Variants in FBXO41 observed in about 807,000 individuals in gnomAD.
FBXO41 encodes the protein F-box protein 41, also known as F-box only protein 41.
Under a neutral mutation model 81.6 loss-of-function variants are expected in FBXO41, and 33 were observed. That is an observed-to-expected ratio of 0.40 (90% CI 0.31 to 0.54). FBXO41 has a LOEUF of 0.54. Ranked by LOEUF, FBXO41 falls within the 20% of genes least tolerant of loss-of-function variation. FBXO41 has a pLI of 0.39. For synonymous variants in FBXO41, 576 were observed against 552.7 expected, an observed-to-expected ratio of 1.04 and a Z score of -0.59; for missense variants, 1,107 against 1,236.0, an observed-to-expected ratio of 0.90 and a Z score of 1.56.
chr2:73,263,377 G>T (rs1688089750), intron 8 of FBXO41, 69 bp from the exon 9 acceptor site: 2 of 1,230,682 alleles, frequency 1.6e-6, no homozygotes, highest in South Asian at 3.1e-5. Flanking sequence ...CACTTTGGGA[G>T]GTCAAGGCCG....
In FBXO41 at chr2:73,277,947, C is replaced by T. The variant is rs140035843; in HGVS notation, c.-139+6213G>A. Among the ~76,000 whole-genome samples the T allele has an allele frequency of 2.7e-3, 409 of 152,258 alleles. 5 individuals are homozygous for T. Among genetic ancestry groups the T allele is most frequent in the African/African-American group, 9.4e-3 (391 of 41,528 alleles). The stretch of plus-strand genomic sequence containing the variant: ...CCTCTGTACTTTATGTGGTTGTGGC[C>T]GGGTTGTCAATCCTAGTAGGTGGGC... On this transcript the variant is annotated intron_variant, in intron 1 of 12. Transcript: ENST00000520530.
In FBXO41 at chr2:73,269,921, C is replaced by T. The variant is rs1382212726; in HGVS notation, c.-138-153G>A. 1.3e-5 allele frequency among the ~76,000 whole-genome samples: 2 copies of T among 152,086 alleles called. No homozygotes were observed. Among genetic ancestry groups the T allele is most frequent in the Non-Finnish European group, 2.9e-5 (2 of 68,006 alleles). On this transcript the variant is annotated intron_variant, in intron 1 of 12. Coordinates refer to ENST00000520530, the MANE Select transcript of FBXO41 (RefSeq NM_001371389.2). This position sits in a 1 kb window ranked among gnomAD's most constrained non-coding sequence, Gnocchi z 7.0. ...AGGCTGGCCTGCTCTGGCACCTGTG[C>T]GAGGGCCTGTATGTGTGCAAGAGAC...
At chr2:73,262,719 C>A (rs1208165324) in intron 9 of FBXO41, among the ~76,000 whole-genome samples, 1 of 152,174 alleles carries the variant, frequency 6.6e-6, no homozygotes, top group Non-Finnish European at 1.5e-5. Context: ...GGACATGACC[C>A]CAGGTCTGAT....
intron 6 of FBXO41, 68 bp downstream of exon 6, chr2:73,264,210 G>A (rs1688136541): frequency 6.2e-7 from 1 of 1,605,740 alleles, no homozygotes; most frequent in Non-Finnish European, 8.5e-7. Context: ...GACCTCAAGG[G>A]GCCAGATTCT....
chr2:73,266,446 T>G lies in FBXO41; in HGVS notation c.1131+11A>C, dbSNP rs905106319. 9.4e-6 allele frequency: 14 copies of G among 1,483,902 alleles called. 1 individual carries two copies. The highest frequency in any genetic ancestry group is 1.3e-5 in the Non-Finnish European group (14 of 1,108,758). The allele number at this position is 1,483,902 out of a possible 1,614,324, so 91.9% of individuals were successfully genotyped here. On this transcript the variant is annotated intron_variant, in intron 3 of 12. Transcript: ENST00000520530. This position sits in a 1 kb window ranked among gnomAD's most constrained non-coding sequence, Gnocchi z 5.3. The stretch of plus-strand genomic sequence containing the variant: ...GTGCAGGTAGAGGAGGGAAGGCAGG[T>G]GGGCACTCACCATTCTGCCTGGGCC...
At chr2:73,276,451 C>T (rs976018719) in intron 1 of FBXO41, among the ~76,000 whole-genome samples, 6 of 151,718 alleles carry the variant, frequency 4.0e-5, no homozygotes, top group African/African-American at 1.5e-4. Flanking sequence ...GTTTCAACAT[C>T]ACCATCCTTT....
chr2:73,270,226 A>T (rs1466958666), intron 1 of FBXO41, among the ~76,000 whole-genome samples: 1 of 152,190 alleles, frequency 6.6e-6, no homozygotes, highest in East Asian at 1.9e-4. Context: ...GACACAATTG[A>T]TGATGAAGTC....
intron 5 of FBXO41, 103 bp from the exon 6 acceptor site, chr2:73,264,622 A>G: frequency 1.3e-6 from 2 of 1,514,470 alleles, no homozygotes; most frequent in Non-Finnish European, 1.8e-6. Context: ...AGGAATGGAC[A>G]TGCTGTGGTA....
intron 1 of FBXO41, among the ~76,000 whole-genome samples, chr2:73,274,503 G>A (rs569861407): frequency 3.3e-5 from 5 of 152,132 alleles, no homozygotes; most frequent in African/African-American, 9.6e-5. Flanking sequence ...TTATGCCGCC[G>A]TAAAATCGGA....
In FBXO41 at chr2:73,268,707, G is replaced by C. The variant is rs1000861149; in HGVS notation, c.905+19C>G. 4.7e-6 allele frequency: 7 copies of C among 1,504,204 alleles called. No individual in the cohort carries two copies. In the African/African-American group the frequency reaches 9.7e-5, roughly 21 times the overall value. The allele number at this position is 1,504,204 out of a possible 1,614,324, so 93.2% of individuals were successfully genotyped here. On this transcript the variant is annotated intron_variant, in intron 2 of 12. Transcript: ENST00000520530. ...CCGCACAGGCACAACCACTCACAGGGCCCCGAGGGTCTACTCACTGCTGCT... is the reference window on the plus strand; with the variant it reads ...CCGCACAGGCACAACCACTCACAGGCCCCCGAGGGTCTACTCACTGCTGCT...
rs145259596 is a variant in FBXO41 at position 73,266,846 on chromosome 2, C to T, written c.906-164G>A. ...AACAGGCCTAGCACACAGCCCCGCA[C>T]GATGACACATACAGAAATGCATGCA... On this transcript the variant is annotated intron_variant, in intron 2 of 12. Coordinates refer to ENST00000520530, the MANE Select transcript of FBXO41 (RefSeq NM_001371389.2). The surrounding 1 kb of genome is among the most constrained non-coding windows in gnomAD (Gnocchi z 5.3). 2.2e-4 allele frequency: 251 copies of T among 1,117,722 alleles called. 1 individual carries two copies. In the African/African-American group the frequency reaches 3.5e-3, roughly 15 times the overall value. The allele number at this position is 1,117,722 out of a possible 1,614,324, so 69.2% of individuals were successfully genotyped here.
intron 9 of FBXO41, 69 bp downstream of exon 9, chr2:73,263,144 T>C (rs1395586169): frequency 3.9e-6 from 5 of 1,267,238 alleles, no homozygotes; most frequent in Non-Finnish European, 5.6e-6. Flanking sequence ...TCAGATCTGC[T>C]AAGTCCTCAG....
Position 73,260,771 on chromosome 2 carries a change from G to A in FBXO41, c.2259C>T (p.Ala753=), listed in dbSNP as rs747428399. Residue 753 remains alanine (A), a synonymous_variant, in exon 10 of 13, where the codon GCC becomes GCT. Coordinates refer to ENST00000520530, the MANE Select transcript of FBXO41 (RefSeq NM_001371389.2). This position sits in a 1 kb window ranked among gnomAD's most constrained non-coding sequence, Gnocchi z 5.0. The part of the protein sequence containing the change: ...PHLRALGVGG[A]GCGVQGLASL... ...ATGCCAGGCCCTGCACCCCACAGCC[G>A]GCACCCCCGACCCCCAGGGCCCGCA... 5.1e-5 allele frequency: 79 copies of A among 1,558,592 alleles called. No homozygotes were observed. The highest frequency in any genetic ancestry group is 2.9e-4 in the East Asian group (12 of 42,008).
At position 73,266,578 on chromosome 2, in the gene FBXO41, T is replaced by C; in HGVS notation, c.1010A>G (p.Asp337Gly). The change falls in exon 3 of 13, where the codon GAC becomes GGC. Residue 337 changes from aspartate (D) to glycine (G), a missense_variant. Physicochemically the swap from Asp to Gly is moderately conservative, Grantham distance 94. This residue lies in a region of FBXO41 where 771 missense variants were observed against 789.2 expected (regional missense o/e 0.98). Transcript: ENST00000520530. This position sits in a 1 kb window ranked among gnomAD's most constrained non-coding sequence, Gnocchi z 5.3. ...GACCTGCAGCTGCCGCTCGGCACGGTCAGCCCGCTCAAGGAGCTCCTCAAT... is the reference window on the plus strand; with the variant it reads ...GACCTGCAGCTGCCGCTCGGCACGGCCAGCCCGCTCAAGGAGCTCCTCAAT... Reference protein sequence around the residue: ...QFIEELLERADRAERQLQVIS... With the variant: ...QFIEELLERAGRAERQLQVIS... 1 of 1,611,164 alleles carries C rather than the reference T, an allele frequency of 6.2e-7. No homozygotes were observed. The highest frequency in any genetic ancestry group is 8.5e-7 in the Non-Finnish European group (1 of 1,179,134).
Position 73,259,877 on chromosome 2 carries a change from T to G in FBXO41, c.2449+512A>C, listed in dbSNP as rs1332041214. ...AGAGGGTCAAGGCACCTTGGCGCAG[T>G]TGGCATGGGGTCCTCTCAGGAGCCA... On this transcript the variant is annotated intron_variant, in intron 11 of 12. Transcript: ENST00000520530. The surrounding 1 kb of genome is among the most constrained non-coding windows in gnomAD (Gnocchi z 4.2). Among the ~76,000 whole-genome samples, 1 of 152,062 alleles carries G rather than the reference T, an allele frequency of 6.6e-6. No individual in the cohort carries two copies. The highest frequency in any genetic ancestry group is 2.4e-5 in the African/African-American group (1 of 41,386).
chr2:73,282,396 A>G (rs1289566515), intron 1 of FBXO41, among the ~76,000 whole-genome samples: 3 of 152,182 alleles, frequency 2.0e-5, no homozygotes, highest in Non-Finnish European at 4.4e-5. Context: ...TTCAACAACC[A>G]TCACCCCCTT....
Position 73,259,364 on chromosome 2 carries a change from C to G in FBXO41, c.2450-68G>C, listed in dbSNP as rs895009717. ...TGTGGAGCTGCCTCCTCTCCTCTCA[C>G]TAATTAATGAAATCAGACAATCAGG... is the stretch of plus-strand genomic sequence containing the variant. On this transcript the variant is annotated intron_variant, in intron 11 of 12. Coordinates refer to ENST00000520530, the MANE Select transcript of FBXO41 (RefSeq NM_001371389.2). This position sits in a 1 kb window ranked among gnomAD's most constrained non-coding sequence, Gnocchi z 4.2. 5 of 1,280,122 alleles carry G rather than the reference C, an allele frequency of 3.9e-6. No individual in the cohort carries two copies. The African/African-American group carries it at 7.3e-5, about 19-fold the overall frequency. The allele number at this position is 1,280,122 out of a possible 1,614,324, so 79.3% of individuals were successfully genotyped here.
Position 73,265,476 on chromosome 2 carries a change from G to C in FBXO41, c.1370C>G (p.Pro457Arg). ...ANGGSERSQP[P>R]RSSGLRRQAI... ...CTGGCGCCGCAGGCCTGAGCTGCGA[G>C]GGGGCTGGGACCGCTCTGAGCCCCC... The change falls in exon 5 of 13, where the codon CCT (proline) becomes CGT (arginine). Residue 457 changes from proline (P) to arginine (R), a missense_variant. Pro to Arg is a moderately radical substitution (Grantham distance 103). Around this residue, in one of 2 missense-constraint regions of FBXO41, gnomAD observed 771 missense variants for 789.2 expected, o/e 0.98. Transcript: ENST00000520530. 1 of 1,603,174 alleles carries C rather than the reference G, an allele frequency of 6.2e-7. No homozygotes were observed. Among genetic ancestry groups the C allele is most frequent in the Non-Finnish European group, 8.5e-7 (1 of 1,178,110 alleles).
intron 9 of FBXO41, among the ~76,000 whole-genome samples, chr2:73,261,137 A>C (rs1688009108): frequency 6.6e-6 from 1 of 151,498 alleles, no homozygotes; most frequent in African/African-American, 2.4e-5. Flanking sequence ...GCTCACTGCA[A>C]CCTCTGCCTC....
Sources: gnomAD v4.1 joint callset for allele counts (sites outside exome capture counted in the v4.1 genomes callset) on GRCh38, gnomAD v4.1.1 for gene constraint, gnomAD v4.1.1 regional missense constraint, Gnocchi (gnomAD v3.1) non-coding constraint, MANE v1.5 for transcripts, NCBI Gene and HGNC (gene_info 2026-07-23, HGNC 2026-07-21) for gene names.